TAFA2: variants seen among roughly 807,000 people sequenced by gnomAD.
TAFA2 encodes chemokine-like protein TAFA-2.
A neutral mutation model predicts 18.8 loss-of-function variants in TAFA2; 7 were observed. That is an observed-to-expected ratio of 0.37 (90% confidence interval 0.21 to 0.70). TAFA2 has a LOEUF of 0.70. Ranked by LOEUF, TAFA2 falls within the 30% of genes least tolerant of loss-of-function variation. The pLI, the probability that TAFA2 is intolerant of heterozygous loss-of-function variation, is 0.53. For missense variants in TAFA2, 122 were observed against 158.1 expected (o/e 0.77, Z 1.23); for synonymous variants, 60 against 54.2 (o/e 1.11, Z -0.47).
intron 3 of TAFA2, 43 bp downstream of exon 3, chr12:61,754,829 T>G (rs374739985): frequency 1.2e-6 from 2 of 1,604,220 alleles, no homozygotes; most frequent in African/African-American, 2.7e-5. Context: ...TTCTAAGCCA[T>G]CCTTGGCTGT....
intron 2 of TAFA2, among the ~76,000 whole-genome samples, chr12:61,777,858 T>C (rs1417979467): frequency 6.6e-6 from 1 of 151,848 alleles, no homozygotes; most frequent in African/African-American, 2.4e-5. Context: ...ACTTTTCTTT[T>C]AACCCCTGTG....
chr12:62,160,040 T>C (rs1359668178), intron 1 of TAFA2, among the ~76,000 whole-genome samples: 1 of 152,160 alleles, frequency 6.6e-6, no homozygotes, highest in Non-Finnish European at 1.5e-5. Context: ...GCTCAAGAAA[T>C]AAGTAATGAA....
At chr12:61,846,714 A>T (rs1873419783) in intron 2 of TAFA2, among the ~76,000 whole-genome samples, 1 of 152,188 alleles carries the variant, frequency 6.6e-6, no homozygotes, top group Non-Finnish European at 1.5e-5. Flanking sequence ...CTAAAACTCT[A>T]ATTGCATCCA....
intron 1 of TAFA2, among the ~76,000 whole-genome samples, chr12:61,936,802 A>G (rs150335575): frequency 7.7e-4 from 118 of 152,294 alleles, no homozygotes; most frequent in Admixed American, 2.2e-3. Context: ...ACATAGTACT[A>G]GAAGTCCTAG....
chr12:61,721,921 C>CTCCAG (rs71083951), intron 4 of TAFA2, among the ~76,000 whole-genome samples: 42,723 of 151,182 alleles, frequency 0.28, 6,694 homozygotes, highest in South Asian at 0.38. Context: ...TGCCATTGCA[C>CTCCAG]TCCAGCCTGG....
chr12:62,218,887 T>C lies in TAFA2; in HGVS notation c.-130+39876A>G, dbSNP rs371481633. On this transcript the variant is annotated intron_variant, in intron 1 of 5. Coordinates refer to the TAFA2 transcript ENST00000551619. ...AGGACATTTTTCAGGCTGTTACACA[T>C]TTACATAGGAGATTCAATAATATCA... is the stretch of plus-strand genomic sequence containing the variant. Among the ~76,000 whole-genome samples the C allele has an allele frequency of 3.3e-5, 5 of 152,214 alleles. No homozygotes were observed. The East Asian group carries it at 7.7e-4, about 23-fold the overall frequency.
At chr12:61,991,341 G>A (rs780997684) in intron 1 of TAFA2, among the ~76,000 whole-genome samples, 6 of 152,024 alleles carry the variant, frequency 3.9e-5, no homozygotes, top group Non-Finnish European at 8.8e-5. Flanking sequence ...CATTTAAGGG[G>A]GTTATTAGAA....
intron 1 of TAFA2, among the ~76,000 whole-genome samples, chr12:62,167,516 A>C (rs1302316003): frequency 6.6e-6 from 1 of 152,240 alleles, no homozygotes; most frequent in African/African-American, 2.4e-5. Context: ...ATTGATATCC[A>C]GGATTTCAAG....
At chr12:62,200,667 A>G (rs1027052214) in intron 1 of TAFA2, among the ~76,000 whole-genome samples, 2 of 152,158 alleles carry the variant, frequency 1.3e-5, no homozygotes, top group Non-Finnish European at 2.9e-5. Flanking sequence ...TTTGTTGTAT[A>G]GTTTGAAGTC....
intron 2 of TAFA2, among the ~76,000 whole-genome samples, chr12:61,855,931 A>G (rs1592437671): frequency 6.6e-6 from 1 of 152,136 alleles, no homozygotes; most frequent in Non-Finnish European, 1.5e-5. Context: ...AAGACAAAAT[A>G]AAAGTAAGAT....
At chr12:62,253,155 T>C (rs1298773552) in intron 1 of TAFA2, 1 of 152,206 alleles carries the variant, frequency 6.6e-6, no homozygotes, top group Admixed American at 6.5e-5. Flanking sequence ...ATGACTACCC[T>C]TCTTGTGCCC....
chr12:61,823,482 C>T (rs1872407273), intron 2 of TAFA2, among the ~76,000 whole-genome samples: 1 of 152,136 alleles, frequency 6.6e-6, no homozygotes, highest in Non-Finnish European at 1.5e-5. Flanking sequence ...AGCTCAGGGT[C>T]TCCAGGTAGG....
At chr12:61,785,247 G>A (rs996734650) in intron 2 of TAFA2, among the ~76,000 whole-genome samples, 5 of 150,558 alleles carry the variant, frequency 3.3e-5, no homozygotes, top group East Asian at 2.0e-4. Context: ...TTCATGTAAC[G>A]TAATGTCCTC....
intron 1 of TAFA2, among the ~76,000 whole-genome samples, chr12:62,090,847 A>G (rs1868681540): frequency 6.6e-6 from 1 of 151,984 alleles, no homozygotes; most frequent in Non-Finnish European, 1.5e-5. Flanking sequence ...ACTTCTGCCA[A>G]CACATTTCAT....
intron 1 of TAFA2, among the ~76,000 whole-genome samples, chr12:62,138,229 A>T (rs994169742): frequency 9.9e-5 from 15 of 152,112 alleles, no homozygotes; most frequent in Non-Finnish European, 1.5e-4. Flanking sequence ...AGTTACAGTG[A>T]GCTATGATTG....
intron 1 of TAFA2, among the ~76,000 whole-genome samples, chr12:62,077,058 T>G (rs1868254283): frequency 6.6e-6 from 1 of 152,232 alleles, no homozygotes; most frequent in Non-Finnish European, 1.5e-5. Context: ...TGCAAATTCT[T>G]CTAATCCTAG....
chr12:61,761,408 A>AAAAT (rs1269461197), intron 2 of TAFA2, among the ~76,000 whole-genome samples: 1 of 152,078 alleles, frequency 6.6e-6, no homozygotes, highest in African/African-American at 2.4e-5. Context: ...CATGGGTATG[A>AAAAT]AAATATGGGT....
intron 2 of TAFA2, among the ~76,000 whole-genome samples, chr12:61,803,499 C>A (rs1871479691): frequency 6.6e-6 from 1 of 151,802 alleles, no homozygotes; most frequent in Non-Finnish European, 1.5e-5. Flanking sequence ...CAAGAAGTTT[C>A]TATGATTAAG....
intron 1 of TAFA2, among the ~76,000 whole-genome samples, chr12:61,979,981 A>G (rs1879573121): frequency 6.6e-6 from 1 of 152,126 alleles, no homozygotes; most frequent in Non-Finnish European, 1.5e-5. Flanking sequence ...ATAAAACTAT[A>G]CCTTAAAATA....
Sources: allele counts gnomAD v4.1 joint callset (sites outside exome capture counted in the v4.1 genomes callset), GRCh38; gene constraint gnomAD v4.1.1; transcripts MANE v1.5; gene names NCBI Gene and HGNC (gene_info 2026-07-23, HGNC 2026-07-21).